Variants in LCE2C observed in about 807,000 individuals in gnomAD.
LCE2C encodes late cornified envelope protein 2C.
For synonymous variants in LCE2C, 57 were observed against 51.0 expected (o/e 1.12, Z -0.50); for missense variants, 179 against 141.3 (o/e 1.27, Z -1.35).
Position 152,676,555 on chromosome 1 carries a change from C to G in LCE2C, c.*207C>G. ...CTTTACCTCATGTTATAATAAAGCT[C>G]TGATCTCTGACTCACTAAATGTCTT... On this transcript the variant is annotated 3_prime_UTR_variant, in exon 2 of 2. Coordinates refer to ENST00000368783, the MANE Select transcript of LCE2C (RefSeq NM_178429.5). 1 of 659,570 alleles carries G rather than the reference C, an allele frequency of 1.5e-6. No homozygotes were observed. Among genetic ancestry groups the G allele is most frequent in the Non-Finnish European group, 2.5e-6 (1 of 394,056 alleles). 40.9% of individuals were successfully genotyped at this position (659,570 alleles called of 1,614,324 possible). A position where few individuals can be genotyped will look rare whatever the true frequency, so the allele number is the denominator to read the frequency against.
chr1:152,676,479 G>A lies in LCE2C; in HGVS notation c.*131G>A, dbSNP rs1648856791. The A allele has an allele frequency of 7.6e-7, 1 of 1,320,898 alleles. No homozygotes were observed. Among genetic ancestry groups the A allele is most frequent in the African/African-American group, 1.5e-5 (1 of 67,570 alleles). The allele number at this position is 1,320,898 out of a possible 1,614,324, so 81.8% of individuals were successfully genotyped here. A position where few individuals can be genotyped will look rare whatever the true frequency, so the allele number is the denominator to read the frequency against. ...CACAAAGACTCATGGGGCTTTCCTG[G>A]AAGAACTTCGTGCTTGATGTAACAC... On this transcript the variant is annotated 3_prime_UTR_variant, in exon 2 of 2. Coordinates refer to ENST00000368783, the MANE Select transcript of LCE2C (RefSeq NM_178429.5).
At chr1:152,675,515 T>G (rs1421974131) in intron 1 of LCE2C, among the ~76,000 whole-genome samples, 187 bp downstream of exon 1, 2 of 152,234 alleles carry the variant, frequency 1.3e-5, no homozygotes, top group Non-Finnish European at 2.9e-5. Flanking sequence ...GAAAGCTAAC[T>G]GTGCACATCT....
rs965189945 is a variant in LCE2C at position 152,675,324 on chromosome 1, C to T, written c.-26C>T. 4 of 152,394 alleles carry T rather than the reference C, an allele frequency of 2.6e-5. No individual in the cohort carries two copies. Among genetic ancestry groups the T allele is most frequent in the Admixed American group, 1.3e-4 (2 of 15,308 alleles). 9.4% of individuals were successfully genotyped at this position (152,394 alleles called of 1,614,324 possible). ...GACGTGTCTGTGCTCCTGCGTGTGACCAGGGTGAGTGGCAACCTGGGATAC... is the reference window on the plus strand; with the variant it reads ...GACGTGTCTGTGCTCCTGCGTGTGATCAGGGTGAGTGGCAACCTGGGATAC... On this transcript the variant is annotated 5_prime_UTR_variant, in exon 1 of 2. Coordinates refer to ENST00000368783, the MANE Select transcript of LCE2C (RefSeq NM_178429.5).
Position 152,676,137 on chromosome 1 carries a change from TCC to T in LCE2C, c.124_125del (p.Pro42CysfsTer51). 6 of 1,614,180 alleles carry T rather than the reference TCC, an allele frequency of 3.7e-6. No homozygotes were observed. The highest frequency in any genetic ancestry group is 3.4e-6 in the Non-Finnish European group (4 of 1,180,030). Reference sequence around the variant, plus strand: ...CCACCACAGTGCCCAGCTCCATGTTTCCCTGCAGTCTCTTCTTGCTGTGGTCC... The same window carrying T: ...CCACCACAGTGCCCAGCTCCATGTTTCTGCAGTCTCTTCTTGCTGTGGTCC... On this transcript the variant is annotated frameshift_variant, in exon 2 of 2. Transcript: ENST00000368783. LOFTEE classifies it low-confidence loss of function (END_TRUNC).
chr1:152,676,466 T>C lies in LCE2C; in HGVS notation c.*118T>C. 7.0e-7 allele frequency: 1 copy of C among 1,430,312 alleles called. No homozygotes were observed. The highest frequency in any genetic ancestry group is 1.4e-5 in the South Asian group (1 of 69,184). The allele number at this position is 1,430,312 out of a possible 1,614,324, so 88.6% of individuals were successfully genotyped here. ...GGTTGGCAGAGACCACAAAGACTCA[T>C]GGGGCTTTCCTGGAAGAACTTCGTG... On this transcript the variant is annotated 3_prime_UTR_variant, in exon 2 of 2. Coordinates refer to ENST00000368783, the MANE Select transcript of LCE2C (RefSeq NM_178429.5).
Position 152,676,342 on chromosome 1 carries a change from C to T in LCE2C, c.327C>T (p.Cys109=), listed in dbSNP as rs1648853298. Residue 109 remains cysteine (C), a synonymous_variant, in exon 2 of 2, where the codon TGC becomes TGT. Coordinates refer to ENST00000368783, the MANE Select transcript of LCE2C (RefSeq NM_178429.5). ...GSGCCHSSGG[C]C The stretch of plus-strand genomic sequence containing the variant: ...GCTGCTGCCACAGCTCTGGGGGCTG[C>T]TGCTGACCTGGGCTACAGAAGAGCT... 6.2e-7 allele frequency: 1 copy of T among 1,609,336 alleles called. No homozygotes were observed. Among genetic ancestry groups the T allele is most frequent in the Non-Finnish European group, 8.5e-7 (1 of 1,177,794 alleles).
rs1648845009 is a variant in LCE2C at position 152,676,207 on chromosome 1, C to T, written c.192C>T (p.Cys64=). The T allele has an allele frequency of 3.1e-6, 5 of 1,613,988 alleles. No homozygotes were observed. In the East Asian group the frequency reaches 6.7e-5, roughly 22 times the overall value. The change falls in exon 2 of 2, where the codon TGC becomes TGT. Residue 64 remains cysteine, a synonymous_variant. Coordinates refer to ENST00000368783, the MANE Select transcript of LCE2C (RefSeq NM_178429.5). The part of the protein sequence containing the change: ...SCCGPSSGGC[C]SSGAGGCSLS... ...GTGGTCCCAGCTCTGGGGGCTGCTG[C>T]AGCTCTGGGGCTGGTGGCTGCTCCC...
chr1:152,676,125 C>G lies in LCE2C; in HGVS notation c.110C>G (p.Pro37Arg), dbSNP rs765486345. Residue 37 changes from proline to arginine, a missense_variant, in exon 2 of 2, where the codon CCA becomes CGA. Physicochemically the swap from Pro to Arg is moderately radical, Grantham distance 103 (BLOSUM62 -2). Coordinates refer to ENST00000368783, the MANE Select transcript of LCE2C (RefSeq NM_178429.5). ...KCPPKCPPQC[P>R]APCFPAVSSC... The stretch of plus-strand genomic sequence containing the variant: ...CCCCCCAAATGCCCACCACAGTGCC[C>G]AGCTCCATGTTTCCCTGCAGTCTCT... 15 of 1,614,190 alleles carry G rather than the reference C, an allele frequency of 9.3e-6. No individual in the cohort carries two copies. The African/African-American group carries it at 1.7e-4, about 19-fold the overall frequency.
Position 152,676,001 on chromosome 1 carries a change from TA to T in LCE2C, c.-12del, listed in dbSNP as rs764010991. ...TTTCATTATTATCTTTCAGGTTGACTAAACTCCTGCCAGCATGTCTTGCCAG... is the reference window on the plus strand; with the variant it reads ...TTTCATTATTATCTTTCAGGTTGACTAACTCCTGCCAGCATGTCTTGCCAG... On this transcript the variant is annotated 5_prime_UTR_variant, in exon 2 of 2. Coordinates refer to ENST00000368783, the MANE Select transcript of LCE2C (RefSeq NM_178429.5). 4.3e-6 allele frequency: 7 copies of T among 1,613,872 alleles called. No individual in the cohort carries two copies. In the East Asian group the frequency reaches 1.6e-4, roughly 36 times the overall value.
In LCE2C at chr1:152,676,511, T is replaced by C. The variant is rs1648858372; in HGVS notation, c.*163T>C. 1.1e-6 allele frequency: 1 copy of C among 915,976 alleles called. No individual in the cohort carries two copies. The highest frequency in any genetic ancestry group is 1.9e-5 in the South Asian group (1 of 51,446). The allele number at this position is 915,976 out of a possible 1,614,324, so 56.7% of individuals were successfully genotyped here. On this transcript the variant is annotated 3_prime_UTR_variant, in exon 2 of 2. Transcript: ENST00000368783. ...TTCGTGCTTGATGTAACACCCCAAT[T>C]GCAAGTCTTCTTTTCCTCCTTTACC... is the stretch of plus-strand genomic sequence containing the variant.
Position 152,676,283 on chromosome 1 carries a change from G to C in LCE2C, c.268G>C (p.Asp90His), listed in dbSNP as rs201281384. Residue 90 changes from aspartate to histidine, a missense_variant, in exon 2 of 2, where the codon GAC (aspartate) becomes CAC (histidine). Physicochemically the swap from Asp to His is moderately conservative, Grantham distance 81. Coordinates refer to ENST00000368783, the MANE Select transcript of LCE2C (RefSeq NM_178429.5). ...CCACCGGCGCCGGCACCAGAGCCCCGACTGCTGTGAGAGTGAACCTTCTGG... is the reference window on the plus strand; with the variant it reads ...CCACCGGCGCCGGCACCAGAGCCCCCACTGCTGTGAGAGTGAACCTTCTGG... ...LFHRRRHQSP[D>H]CCESEPSGGS... 4.3e-6 allele frequency: 7 copies of C among 1,613,840 alleles called. No individual in the cohort carries two copies. The highest frequency in any genetic ancestry group is 5.9e-6 in the Non-Finnish European group (7 of 1,179,932).
chr1:152,676,400 C>T lies in LCE2C; in HGVS notation c.*52C>T. Reference sequence around the variant, plus strand: ...CTGAATGGCCAAGAACCTGCTACGGCCTGATGGATACTCTTTCCACTTCCT... The same window carrying T: ...CTGAATGGCCAAGAACCTGCTACGGTCTGATGGATACTCTTTCCACTTCCT... On this transcript the variant is annotated 3_prime_UTR_variant, in exon 2 of 2. Transcript: ENST00000368783. 3 of 1,543,510 alleles carry T rather than the reference C, an allele frequency of 1.9e-6. No homozygotes were observed. The highest frequency in any genetic ancestry group is 1.7e-6 in the Non-Finnish European group (2 of 1,149,282).
rs765607623 is a variant in LCE2C at position 152,676,353 on chromosome 1, G to T, written c.*5G>T. The T allele has an allele frequency of 6.2e-7, 1 of 1,603,856 alleles. No individual in the cohort carries two copies. Among genetic ancestry groups the T allele is most frequent in the Non-Finnish European group, 8.5e-7 (1 of 1,175,584 alleles). The stretch of plus-strand genomic sequence containing the variant: ...AGCTCTGGGGGCTGCTGCTGACCTG[G>T]GCTACAGAAGAGCTCTTGGGACTGA... On this transcript the variant is annotated 3_prime_UTR_variant, in exon 2 of 2. Transcript: ENST00000368783.
rs573157957 is a variant in LCE2C at position 152,676,025 on chromosome 1, C to T, written c.10C>T (p.Gln4Ter). Residue 4 changes from glutamine (Q) to a stop codon, truncating the protein, a stop_gained, in exon 2 of 2, where the codon CAG (glutamine) becomes TAG (stop). Coordinates refer to ENST00000368783, the MANE Select transcript of LCE2C (RefSeq NM_178429.5). LOFTEE classifies it low-confidence loss of function (END_TRUNC). The stretch of plus-strand genomic sequence containing the variant: ...CTAAACTCCTGCCAGCATGTCTTGC[C>T]AGCAAAACCAGCAGCAGTGCCAGCC... MSC[Q>*]QNQQQCQPPP... 4 of 1,614,126 alleles carry T rather than the reference C, an allele frequency of 2.5e-6. No homozygotes were observed. The highest frequency in any genetic ancestry group is 1.7e-5 in the Admixed American group (1 of 60,020).
Position 152,676,471 on chromosome 1 carries a change from C to T in LCE2C, c.*123C>T. ...GCAGAGACCACAAAGACTCATGGGG[C>T]TTTCCTGGAAGAACTTCGTGCTTGA... On this transcript the variant is annotated 3_prime_UTR_variant, in exon 2 of 2. Transcript: ENST00000368783. 2.1e-6 allele frequency: 3 copies of T among 1,400,026 alleles called. No individual in the cohort carries two copies. Among genetic ancestry groups the T allele is most frequent in the Non-Finnish European group, 2.9e-6 (3 of 1,042,096 alleles). The allele number at this position is 1,400,026 out of a possible 1,614,324, so 86.7% of individuals were successfully genotyped here.
chr1:152,676,320 G>A lies in LCE2C; in HGVS notation c.305G>A (p.Cys102Tyr). 6.2e-7 allele frequency: 1 copy of A among 1,612,744 alleles called. No individual in the cohort carries two copies. Reference sequence around the variant, plus strand: ...AGTGAACCTTCTGGGGGCTCTGGCTGCTGCCACAGCTCTGGGGGCTGCTGC... The same window carrying A: ...AGTGAACCTTCTGGGGGCTCTGGCTACTGCCACAGCTCTGGGGGCTGCTGC... ...CESEPSGGSG[C>Y]CHSSGGCC Residue 102 changes from cysteine to tyrosine, a missense_variant, in exon 2 of 2, where the codon TGC becomes TAC. Coordinates refer to ENST00000368783, the MANE Select transcript of LCE2C (RefSeq NM_178429.5).
rs1366572951 is a variant in LCE2C, at chr1:152,675,998, G to A, written c.-18G>A. On this transcript the variant is annotated 5_prime_UTR_variant, in exon 2 of 2. Coordinates refer to ENST00000368783, the MANE Select transcript of LCE2C (RefSeq NM_178429.5). ...GAGTTTCATTATTATCTTTCAGGTTGACTAAACTCCTGCCAGCATGTCTTG... is the reference window on the plus strand; with the variant it reads ...GAGTTTCATTATTATCTTTCAGGTTAACTAAACTCCTGCCAGCATGTCTTG... 5.0e-6 allele frequency: 8 copies of A among 1,613,696 alleles called. No homozygotes were observed. The highest frequency in any genetic ancestry group is 5.9e-6 in the Non-Finnish European group (7 of 1,179,850).
intron 1 of LCE2C, among the ~76,000 whole-genome samples, chr1:152,675,765 G>A (rs1571070116): frequency 1.3e-5 from 2 of 152,250 alleles, no homozygotes; most frequent in South Asian, 4.1e-4. Flanking sequence ...GGGCTTGTGA[G>A]GATAGAGCAA....
At position 152,676,400 on chromosome 1, in the gene LCE2C, C is replaced by A; in HGVS notation, c.*52C>A. 2 of 1,543,510 alleles carry A rather than the reference C, an allele frequency of 1.3e-6. No individual in the cohort carries two copies. The highest frequency in any genetic ancestry group is 1.7e-6 in the Non-Finnish European group (2 of 1,149,282). On this transcript the variant is annotated 3_prime_UTR_variant, in exon 2 of 2. Transcript: ENST00000368783. ...CTGAATGGCCAAGAACCTGCTACGG[C>A]CTGATGGATACTCTTTCCACTTCCT...
Sources: allele counts gnomAD v4.1 joint callset (sites outside exome capture counted in the v4.1 genomes callset), GRCh38; gene constraint gnomAD v4.1.1; transcripts MANE v1.5; gene names NCBI Gene and HGNC (gene_info 2026-07-23, HGNC 2026-07-21).